The following TIFAB variants were observed in gnomAD, a reference collection of about 807,000 sequenced individuals.
TIFAB encodes the protein TRAF-interacting protein with FHA domain-containing protein B.
For missense variants in TIFAB, 222 were observed against 203.6 expected (o/e 1.09, Z -0.55); for synonymous variants, 116 against 95.2 (o/e 1.22, Z -1.27).
At position 135,446,587 on chromosome 5, in the gene TIFAB, A is replaced by T; in HGVS notation, c.*2867T>A. ...GATCTGATGATTTCAGTGATTTTCTACTCAAGAAAAATGAAGTCTCGGATG... is the reference window on the plus strand; with the variant it reads ...GATCTGATGATTTCAGTGATTTTCTTCTCAAGAAAAATGAAGTCTCGGATG... On this transcript the variant is annotated 3_prime_UTR_variant, in exon 2 of 2. Coordinates refer to ENST00000537858, the MANE Select transcript of TIFAB (RefSeq NM_001099221.2). 2 of 1,613,914 alleles carry T rather than the reference A, an allele frequency of 1.2e-6. No individual in the cohort carries two copies. The highest frequency in any genetic ancestry group is 1.7e-6 in the Non-Finnish European group (2 of 1,179,862).
rs1769227833 is a variant in TIFAB at position 135,444,908 on chromosome 5, T to A, written c.*4546A>T. 1 of 152,346 alleles carries A rather than the reference T, an allele frequency of 6.6e-6. No individual in the cohort carries two copies. The highest frequency in any genetic ancestry group is 1.5e-5 in the Non-Finnish European group (1 of 68,144). 9.4% of individuals were successfully genotyped at this position (152,346 alleles called of 1,614,324 possible). On this transcript the variant is annotated 3_prime_UTR_variant, in exon 2 of 2. Transcript: ENST00000537858. ...CACTCCTTTGGGTTAAGCATCACGT[T>A]CTCAGTCCTTTCCTGTGTGGATGGA...
Position 135,447,413 on chromosome 5 carries a change from G to T in TIFAB, c.*2041C>A. On this transcript the variant is annotated 3_prime_UTR_variant, in exon 2 of 2. Coordinates refer to ENST00000537858, the MANE Select transcript of TIFAB (RefSeq NM_001099221.2). ...GTGGATGGTGAGCCCTCCTCTCTCA[G>T]GTCTCATGATAGTAGCTAACCCTTA... is the stretch of plus-strand genomic sequence containing the variant. 1 of 451,950 alleles carries T rather than the reference G, an allele frequency of 2.2e-6. No individual in the cohort carries two copies. 28.0% of individuals were successfully genotyped at this position (451,950 alleles called of 1,614,324 possible). A position where few individuals can be genotyped will look rare whatever the true frequency, so the allele number is the denominator to read the frequency against.
intron 1 of TIFAB, 119 bp from the exon 2 acceptor site, chr5:135,450,068 G>A: frequency 7.4e-7 from 1 of 1,352,666 alleles, no homozygotes; most frequent in Non-Finnish European, 1.0e-6. Context: ...CAATCACTCT[G>A]CCCAAGCCAG....
At position 135,449,861 on chromosome 5, in the gene TIFAB, G is replaced by A. The variant is rs920586115; in HGVS notation, c.79C>T (p.Pro27Ser). Reference sequence around the variant, plus strand: ...GGGCTGGTATCATGCTGCAGCCGTGGTGGGACATTGGCAAAGGCAGATGGG... The same window carrying A: ...GGGCTGGTATCATGCTGCAGCCGTGATGGGACATTGGCAAAGGCAGATGGG... ...LGPSAFANVP[P>S]RLQHDTSPLL... is the part of the protein sequence containing the mutation. Residue 27 changes from proline to serine, a missense_variant, in exon 2 of 2, where the codon CCA (proline) becomes TCA (serine). Transcript: ENST00000537858. 3 of 1,587,098 alleles carry A rather than the reference G, an allele frequency of 1.9e-6. No homozygotes were observed. Among genetic ancestry groups the A allele is most frequent in the South Asian group, 2.3e-5 (2 of 86,644 alleles).
rs1395952393 is a variant in TIFAB at position 135,445,756 on chromosome 5, C to T, written c.*3698G>A. Reference sequence around the variant, plus strand: ...ATGCTGTCTAGCGTGTCTGCTGTGACTTCCTCATGGCAGAGCCCCACACTG... The same window carrying T: ...ATGCTGTCTAGCGTGTCTGCTGTGATTTCCTCATGGCAGAGCCCCACACTG... On this transcript the variant is annotated 3_prime_UTR_variant, in exon 2 of 2. Transcript: ENST00000537858. 2 of 152,478 alleles carry T rather than the reference C, an allele frequency of 1.3e-5. No homozygotes were observed. The highest frequency in any genetic ancestry group is 2.9e-5 in the Non-Finnish European group (2 of 68,264). 9.4% of individuals were successfully genotyped at this position (152,478 alleles called of 1,614,324 possible). A position where few individuals can be genotyped will look rare whatever the true frequency, so the allele number is the denominator to read the frequency against.
rs904385953 is a variant in TIFAB at position 135,446,130 on chromosome 5, A to G, written c.*3324T>C. 7 of 395,472 alleles carry G rather than the reference A, an allele frequency of 1.8e-5. No homozygotes were observed. The highest frequency in any genetic ancestry group is 8.1e-5 in the African/African-American group (4 of 49,358). The allele number at this position is 395,472 out of a possible 1,614,324, so 24.5% of individuals were successfully genotyped here. ...GTGATGCCTCAAACTGACCTTCACA[A>G]TGACTCTAAGGAGGTAAGTACTGTG... On this transcript the variant is annotated 3_prime_UTR_variant, in exon 2 of 2. Coordinates refer to ENST00000537858, the MANE Select transcript of TIFAB (RefSeq NM_001099221.2).
rs1464661948 is a variant in TIFAB, at chr5:135,446,810, C to T, written c.*2644G>A. On this transcript the variant is annotated 3_prime_UTR_variant, in exon 2 of 2. Coordinates refer to ENST00000537858, the MANE Select transcript of TIFAB (RefSeq NM_001099221.2). ...CCCTGAGGGCCTCGCAGATGCTTCACTCGAAAGATTGGAGTTGCAGAGTCC... is the reference window on the plus strand; with the variant it reads ...CCCTGAGGGCCTCGCAGATGCTTCATTCGAAAGATTGGAGTTGCAGAGTCC... 1 of 1,613,962 alleles carries T rather than the reference C, an allele frequency of 6.2e-7. No homozygotes were observed.
intron 1 of TIFAB, among the ~76,000 whole-genome samples, chr5:135,451,485 CTT>C (rs572037192): frequency 1.4e-5 from 2 of 142,258 alleles, no homozygotes; most frequent in African/African-American, 2.6e-5. Context: ...TCTTTTTTTT[CTT>C]TTTTTTTTTT....
chr5:135,445,074 C>T lies in TIFAB; in HGVS notation c.*4380G>A, dbSNP rs1769231309. 6.6e-6 allele frequency: 1 copy of T among 152,244 alleles called. No individual in the cohort carries two copies. The highest frequency in any genetic ancestry group is 1.5e-5 in the Non-Finnish European group (1 of 68,080). 9.4% of individuals were successfully genotyped at this position (152,244 alleles called of 1,614,324 possible). On this transcript the variant is annotated 3_prime_UTR_variant, in exon 2 of 2. Transcript: ENST00000537858. Reference sequence around the variant, plus strand: ...GGTGGGCAACAGGCCTGGGCTCAGTCCAGCCAGCCCAACCTCTGATTGCTA... The same window carrying T: ...GGTGGGCAACAGGCCTGGGCTCAGTTCAGCCAGCCCAACCTCTGATTGCTA...
rs1300675219 is a variant in TIFAB, at chr5:135,446,944, G to A, written c.*2510C>T. 38 of 1,612,704 alleles carry A rather than the reference G, an allele frequency of 2.4e-5. No individual in the cohort carries two copies. The highest frequency in any genetic ancestry group is 3.0e-5 in the Non-Finnish European group (35 of 1,179,326). On this transcript the variant is annotated 3_prime_UTR_variant, in exon 2 of 2. Coordinates refer to ENST00000537858, the MANE Select transcript of TIFAB (RefSeq NM_001099221.2). ...TGAGGCCCTGGAGAGGGGCACTCAG[G>A]GGCAGCAGCTCATTCCCAAAGTTCT...
At position 135,445,162 on chromosome 5, in the gene TIFAB, C is replaced by T. The variant is rs904024826; in HGVS notation, c.*4292G>A. The T allele has an allele frequency of 6.6e-6, 1 of 152,158 alleles. No homozygotes were observed. The highest frequency in any genetic ancestry group is 2.4e-5 in the African/African-American group (1 of 41,428). 9.4% of individuals were successfully genotyped at this position (152,158 alleles called of 1,614,324 possible). A position where few individuals can be genotyped will look rare whatever the true frequency, so the allele number is the denominator to read the frequency against. On this transcript the variant is annotated 3_prime_UTR_variant, in exon 2 of 2. Transcript: ENST00000537858. ...GTCCCCTATGAGCCTCTGCAGGGGA[C>T]AGGAAGTGCTGACTGAGAACTGTCT...
In TIFAB at chr5:135,447,908, C is replaced by T. The variant is rs7724269; in HGVS notation, c.*1546G>A. On this transcript the variant is annotated 3_prime_UTR_variant, in exon 2 of 2. Coordinates refer to ENST00000537858, the MANE Select transcript of TIFAB (RefSeq NM_001099221.2). ...TTCAGTTCCGTGGCTTTGCACAGAT[C>T]TGGCACAAGGTGGGTGCTTGGTGAA... 10,939 of 152,286 alleles carry T rather than the reference C, an allele frequency of 0.072. 956 individuals are homozygous for T. Among genetic ancestry groups the T allele is most frequent in the African/African-American group, 0.21 (8,907 of 41,512 alleles). 9.4% of individuals were successfully genotyped at this position (152,286 alleles called of 1,614,324 possible).
chr5:135,449,307 G>A lies in TIFAB; in HGVS notation c.*147C>T, dbSNP rs1406982258. ...TCAAATCCTGTTTCATCTAGCAAAG[G>A]CTTGCTCTAGTGGCAGGGCTAGCAG... is the stretch of plus-strand genomic sequence containing the variant. On this transcript the variant is annotated 3_prime_UTR_variant, in exon 2 of 2. Transcript: ENST00000537858. 3.4e-6 allele frequency: 4 copies of A among 1,165,884 alleles called. No homozygotes were observed. The highest frequency in any genetic ancestry group is 2.6e-5 in the Admixed American group (1 of 38,226). 72.2% of individuals were successfully genotyped at this position (1,165,884 alleles called of 1,614,324 possible).
Position 135,449,292 on chromosome 5 carries a change from T to G in TIFAB, c.*162A>C. 9.6e-7 allele frequency: 1 copy of G among 1,044,634 alleles called. No homozygotes were observed. The highest frequency in any genetic ancestry group is 1.4e-6 in the Non-Finnish European group (1 of 739,362). The allele number at this position is 1,044,634 out of a possible 1,614,324, so 64.7% of individuals were successfully genotyped here. On this transcript the variant is annotated 3_prime_UTR_variant, in exon 2 of 2. Coordinates refer to ENST00000537858, the MANE Select transcript of TIFAB (RefSeq NM_001099221.2). Reference sequence around the variant, plus strand: ...TGCAGCTCAAGTATTTCAAATCCTGTTTCATCTAGCAAAGGCTTGCTCTAG... The same window carrying G: ...TGCAGCTCAAGTATTTCAAATCCTGGTTCATCTAGCAAAGGCTTGCTCTAG...
chr5:135,449,952 G>A lies in TIFAB; in HGVS notation c.-10-3C>T. 6.6e-7 allele frequency: 1 copy of A among 1,515,716 alleles called. No homozygotes were observed. Among genetic ancestry groups the A allele is most frequent in the Non-Finnish European group, 8.8e-7 (1 of 1,132,136 alleles). The allele number at this position is 1,515,716 out of a possible 1,614,324, so 93.9% of individuals were successfully genotyped here. ...GGGGCTTCTCCATGGAAGAAGTCCTGGGAAGTTGGAACATGGACACACAGG... is the reference window on the plus strand; with the variant it reads ...GGGGCTTCTCCATGGAAGAAGTCCTAGGAAGTTGGAACATGGACACACAGG... On this transcript the variant is annotated splice_polypyrimidine_tract_variant and splice_region_variant and intron_variant, in intron 1 of 1. Coordinates refer to ENST00000537858, the MANE Select transcript of TIFAB (RefSeq NM_001099221.2).
In TIFAB at chr5:135,449,137, G is replaced by A. The variant is rs927664164; in HGVS notation, c.*317C>T. ...CTCAGGGCCTCTAAAAGTATATGAT[G>A]TTCCCATTACATTGCATAGCTCTGG... is the stretch of plus-strand genomic sequence containing the variant. On this transcript the variant is annotated 3_prime_UTR_variant, in exon 2 of 2. Transcript: ENST00000537858. The A allele has an allele frequency of 5.4e-6, 2 of 367,780 alleles. No individual in the cohort carries two copies. The highest frequency in any genetic ancestry group is 5.3e-5 in the East Asian group (1 of 18,918). 22.8% of individuals were successfully genotyped at this position (367,780 alleles called of 1,614,324 possible).
At chr5:135,451,300 C>T (rs1036270857) in intron 1 of TIFAB, among the ~76,000 whole-genome samples, 7 of 152,152 alleles carry the variant, frequency 4.6e-5, no homozygotes, top group Non-Finnish European at 8.8e-5. Context: ...AGGTCTTGAA[C>T]CTGCTGCCCC....
Position 135,446,400 on chromosome 5 carries a change from G to C in TIFAB, c.*3054C>G, listed in dbSNP as rs778844390. On this transcript the variant is annotated 3_prime_UTR_variant, in exon 2 of 2. Coordinates refer to ENST00000537858, the MANE Select transcript of TIFAB (RefSeq NM_001099221.2). ...CACTCAGGCACGTGGGCTGCCCTGCGGTGGGAGCTGAGAGAATGCAGTGGA... is the reference window on the plus strand; with the variant it reads ...CACTCAGGCACGTGGGCTGCCCTGCCGTGGGAGCTGAGAGAATGCAGTGGA... 2 of 1,607,948 alleles carry C rather than the reference G, an allele frequency of 1.2e-6. No individual in the cohort carries two copies. The highest frequency in any genetic ancestry group is 1.7e-6 in the Non-Finnish European group (2 of 1,175,182).
chr5:135,446,621 T>G lies in TIFAB; in HGVS notation c.*2833A>C. On this transcript the variant is annotated 3_prime_UTR_variant, in exon 2 of 2. Coordinates refer to ENST00000537858, the MANE Select transcript of TIFAB (RefSeq NM_001099221.2). ...AAATGAAGTCTCGGATGGGCAGAGC[T>G]TAACTGCCTTAAAAACTTGGTACAG... The G allele has an allele frequency of 5.0e-6, 8 of 1,614,032 alleles. No homozygotes were observed. Among genetic ancestry groups the G allele is most frequent in the Non-Finnish European group, 6.8e-6 (8 of 1,179,904 alleles).
Sources: allele counts gnomAD v4.1 joint callset (sites outside exome capture counted in the v4.1 genomes callset), GRCh38; gene constraint gnomAD v4.1.1; transcripts MANE v1.5; gene names NCBI Gene and HGNC (gene_info 2026-07-23, HGNC 2026-07-21).